The following MTFR1 variants were observed in gnomAD, a reference collection of about 807,000 sequenced individuals.
MTFR1 encodes the protein mitochondrial fission regulator 1.
A neutral mutation model predicts 38.8 loss-of-function variants in MTFR1; 28 were observed. The ratio of observed to expected loss-of-function variants is 0.72; its 90% CI spans 0.53 to 0.99. The LOEUF (loss-of-function observed/expected upper bound fraction) is 0.99, where lower values mean the gene tolerates loss of function less well. Ranked by LOEUF, MTFR1 falls within the 50% of genes least tolerant of loss-of-function variation. The pLI is 0.00. For synonymous variants in MTFR1, 145 were observed against 137.0 expected (o/e 1.06, Z -0.41); for missense variants, 358 against 395.5 (o/e 0.91, Z 0.81).
chr8:65,663,811 T>A (rs1001859087), intron 1 of MTFR1, among the ~76,000 whole-genome samples: 10 of 145,948 alleles, frequency 6.9e-5, no homozygotes, highest in South Asian at 2.1e-4. Flanking sequence ...TTCTTTTTTT[T>A]AATTTCTTTT....
At chr8:65,714,718 A>G (rs975515125), downstream of MTFR1, 1 of 152,336 alleles carries the variant, frequency 6.6e-6, no homozygotes, top group African/African-American at 2.4e-5. Context: ...AAATATTTAT[A>G]CATGCTTGAA....
intron 3 of MTFR1, among the ~76,000 whole-genome samples, chr8:65,726,434 C>A (rs191664191): frequency 1.7e-4 from 26 of 152,152 alleles, no homozygotes; most frequent in African/African-American, 5.5e-4. Flanking sequence ...AAGGCACTCT[C>A]TTTACTTTCT....
intron 3 of MTFR1, chr8:65,724,843 A>T: frequency 6.2e-7 from 1 of 1,612,182 alleles, no homozygotes; most frequent in African/African-American, 1.3e-5. Flanking sequence ...AATGGGACCT[A>T]AACAAAGACA....
downstream of MTFR1, among the ~76,000 whole-genome samples, chr8:65,711,616 T>TTTG (rs1805950514): frequency 6.6e-6 from 1 of 152,190 alleles, no homozygotes. Flanking sequence ...ATTGATCCTA[T>TTTG]TTGTTAGGAT....
At chr8:65,648,608 T>A (rs76385756) in intron 1 of MTFR1, among the ~76,000 whole-genome samples, 29,154 of 152,168 alleles carry the variant, frequency 0.19, 2,957 homozygotes, top group Middle Eastern at 0.23. Context: ...GTTGATATCA[T>A]TAAAAAATTT....
chr8:65,690,521 C>G (rs1410301298), intron 3 of MTFR1, among the ~76,000 whole-genome samples: 1 of 152,116 alleles, frequency 6.6e-6, no homozygotes, highest in Non-Finnish European at 1.5e-5. Flanking sequence ...CAGAGTGAGA[C>G]CTGGTCTCAA....
intron 1 of MTFR1, among the ~76,000 whole-genome samples, chr8:65,667,306 C>T: frequency 6.7e-6 from 1 of 148,864 alleles, no homozygotes; most frequent in Non-Finnish European, 1.5e-5. Context: ...TAGAACTTTC[C>T]ATCATGTTAA....
intron 3 of MTFR1, chr8:65,724,329 A>G: frequency 6.2e-7 from 1 of 1,612,412 alleles, no homozygotes; most frequent in Non-Finnish European, 8.5e-7. Context: ...TGGGTTACAA[A>G]TATCAGCACA....
chr8:65,707,860 A>T lies in MTFR1; in HGVS notation c.782A>T (p.Lys261Met), dbSNP rs776510343. 6.2e-7 allele frequency: 1 copy of T among 1,614,034 alleles called. No homozygotes were observed. Among genetic ancestry groups the T allele is most frequent in the Non-Finnish European group, 8.5e-7 (1 of 1,179,974 alleles). Residue 261 changes from lysine to methionine, a missense_variant, in exon 7 of 8, where the codon AAG becomes ATG. Lys to Met is a moderately conservative substitution (Grantham distance 95). Transcript: ENST00000262146. ...TCTCTAAGGTCAGAGCAAGATGTGA[A>T]GCCCAAGCCAGTGGATGCTACTGAC... ...RSVKRSEQDV[K>M]PKPVDATDPA...
At chr8:65,668,641 G>A (rs982872945) in intron 1 of MTFR1, among the ~76,000 whole-genome samples, 3 of 149,190 alleles carry the variant, frequency 2.0e-5, no homozygotes, top group Non-Finnish European at 4.4e-5. Context: ...AGCCTCCCAA[G>A]TAGCTGGGAT....
intron 3 of MTFR1, chr8:65,747,696 T>C (rs1807742462): frequency 1.2e-6 from 2 of 1,611,852 alleles, no homozygotes; most frequent in African/African-American, 2.7e-5. Flanking sequence ...TTTAGGGAAT[T>C]TGAAACCGCA....
At chr8:65,737,773 C>G (rs571340146) in intron 3 of MTFR1, among the ~76,000 whole-genome samples, 30 of 152,320 alleles carry the variant, frequency 2.0e-4, no homozygotes, top group African/African-American at 6.7e-4. Context: ...CCTGCCTCAG[C>G]CTCCCAAAGT....
intron 3 of MTFR1, among the ~76,000 whole-genome samples, chr8:65,683,218 G>T (rs1804961946): frequency 7.0e-6 from 1 of 142,784 alleles, no homozygotes; most frequent in African/African-American, 2.6e-5. Context: ...TGCAATCTCT[G>T]CCTCCTAGGT....
chr8:65,753,785 T>G (rs1053397786), intron 3 of MTFR1, among the ~76,000 whole-genome samples: 2 of 152,218 alleles, frequency 1.3e-5, no homozygotes, highest in Admixed American at 1.3e-4. Flanking sequence ...CTTCATATAT[T>G]GTGGAAATCC....
At chr8:65,728,838 A>G (rs1241892978) in intron 3 of MTFR1, among the ~76,000 whole-genome samples, 1 of 152,246 alleles carries the variant, frequency 6.6e-6, no homozygotes, top group East Asian at 1.9e-4. Flanking sequence ...ATGACTGCAC[A>G]TGACATCAAA....
At chr8:65,775,181 A>G (rs1200574626), downstream of MTFR1, among the ~76,000 whole-genome samples, 2 of 152,134 alleles carry the variant, frequency 1.3e-5, no homozygotes, top group East Asian at 3.8e-4. Flanking sequence ...GCTCCATTCA[A>G]TCTTTAAGTT....
intron 1 of MTFR1, among the ~76,000 whole-genome samples, chr8:65,647,577 T>G (rs1808994801): frequency 6.6e-6 from 1 of 152,218 alleles, no homozygotes; most frequent in Admixed American, 6.6e-5. Flanking sequence ...CCTAAAGTGC[T>G]GGGATTATAG....
At chr8:65,656,611 C>T (rs996115408) in intron 1 of MTFR1, among the ~76,000 whole-genome samples, 1 of 151,042 alleles carries the variant, frequency 6.6e-6, no homozygotes, top group Non-Finnish European at 1.5e-5. Context: ...AAGCGATTCT[C>T]ACGCCTCAGC....
rs1176339353 is a variant in MTFR1, at chr8:65,709,823, C to CCAT, written c.*781_*783dup. ...TTAAGAAGTAAAAACTCAGAATGTA[C>CCAT]CATCTTGTTTCCTTTCAGTTTATTA... On this transcript the variant is annotated 3_prime_UTR_variant, in exon 8 of 8. Coordinates refer to ENST00000262146, the MANE Select transcript of MTFR1 (RefSeq NM_014637.4). The CCAT allele has an allele frequency of 6.6e-5, 10 of 152,564 alleles. No individual in the cohort carries two copies. The highest frequency in any genetic ancestry group is 2.4e-4 in the African/African-American group (10 of 41,438). The allele number at this position is 152,564 out of a possible 1,614,324, so 9.5% of individuals were successfully genotyped here. A position where few individuals can be genotyped will look rare whatever the true frequency, so the allele number is the denominator to read the frequency against.
Sources: gnomAD v4.1 joint callset for allele counts (sites outside exome capture counted in the v4.1 genomes callset) on GRCh38, gnomAD v4.1.1 for gene constraint, MANE v1.5 for transcripts, NCBI Gene and HGNC (gene_info 2026-07-23, HGNC 2026-07-21) for gene names.